KCTD21: variants seen among roughly 807,000 people sequenced by gnomAD.
The protein encoded by KCTD21 is BTB/POZ domain-containing protein KCTD21.
KCTD21 carries 9 observed loss-of-function variants against 13.2 expected under a neutral mutation model. The ratio of observed to expected loss-of-function variants is 0.68; its 90% CI spans 0.41 to 1.19. KCTD21 has a LOEUF of 1.19. Ranked by LOEUF, KCTD21 falls within the 50% of genes most tolerant of loss-of-function variation. The pLI, the probability that KCTD21 is intolerant of heterozygous loss-of-function variation, is 0.01. For synonymous variants in KCTD21, 142 were observed against 137.4 expected (o/e 1.03, Z -0.23); for missense variants, 303 against 336.5 (o/e 0.90, Z 0.78).
rs1262501357 is a variant in KCTD21 at position 78,171,457 on chromosome 11, G to C, written c.*2315C>G. The C allele has an allele frequency of 6.6e-6, 1 of 152,608 alleles. No homozygotes were observed. The highest frequency in any genetic ancestry group is 1.9e-4 in the East Asian group (1 of 5,194). 9.5% of individuals were successfully genotyped at this position (152,608 alleles called of 1,614,324 possible). On this transcript the variant is annotated 3_prime_UTR_variant, in exon 2 of 2. Coordinates refer to ENST00000340067, the MANE Select transcript of KCTD21 (RefSeq NM_001029859.3). ...TCTGCAACTTCTCTAAAGTCAAGCT[G>C]CTTGGATTAGGGAGCACCGAAAAGA... is the stretch of plus-strand genomic sequence containing the variant.
Position 78,174,525 on chromosome 11 carries a change from C to A in KCTD21, c.30G>T (p.Gly10=). The A allele has an allele frequency of 6.2e-7, 1 of 1,613,290 alleles. No homozygotes were observed. Among genetic ancestry groups the A allele is most frequent in the South Asian group, 1.1e-5 (1 of 91,012 alleles). ...CCAGTGAGGTTGTATAGAGCTTCCC[C>A]CCGACGTTCAGCGTGATGGGGTCGG... is the stretch of plus-strand genomic sequence containing the variant. The part of the protein sequence containing the change: MSDPITLNV[G]GKLYTTSLAT... Residue 10 remains glycine, a synonymous_variant, in exon 2 of 2, where the codon GGG becomes GGT. Coordinates refer to ENST00000340067, the MANE Select transcript of KCTD21 (RefSeq NM_001029859.3).
At chr11:78,176,086 T>C (rs1172821353) in intron 1 of KCTD21, among the ~76,000 whole-genome samples, 4 of 152,220 alleles carry the variant, frequency 2.6e-5, no homozygotes, top group Non-Finnish European at 4.4e-5. Context: ...TATGGCTGCA[T>C]AGTATTCCAT....
intron 1 of KCTD21, among the ~76,000 whole-genome samples, chr11:78,179,431 T>C (rs1485802615): frequency 2.0e-5 from 3 of 151,916 alleles, no homozygotes; most frequent in Admixed American, 6.6e-5. Flanking sequence ...TGCCCCTAAC[T>C]CTGCTGTGAA....
chr11:78,173,351 C>A lies in KCTD21; in HGVS notation c.*421G>T. 1.2e-5 allele frequency: 2 copies of A among 165,784 alleles called. No individual in the cohort carries two copies. The highest frequency in any genetic ancestry group is 5.6e-5 in the Admixed American group (1 of 17,970). 10.3% of individuals were successfully genotyped at this position (165,784 alleles called of 1,614,324 possible). A position where few individuals can be genotyped will look rare whatever the true frequency, so the allele number is the denominator to read the frequency against. ...CAGGAACCGCTGGGGACTTTATGTCCTGGTTAACTGGAGGTAGCCTCTTGT... is the reference window on the plus strand; with the variant it reads ...CAGGAACCGCTGGGGACTTTATGTCATGGTTAACTGGAGGTAGCCTCTTGT... On this transcript the variant is annotated 3_prime_UTR_variant, in exon 2 of 2. Transcript: ENST00000340067.
Position 78,174,024 on chromosome 11 carries a change from G to A in KCTD21, c.531C>T (p.His177=), listed in dbSNP as rs1050931320. ...GAGTCAGGTGGTTGGGGTCCTGCAA[G>A]TGGCTGGTGATGGAGGAGAGATTGC... ...SNGNLSSITS[H]LQDPNHLTLD... Residue 177 remains histidine, a synonymous_variant, in exon 2 of 2, where the codon CAC becomes CAT. Coordinates refer to ENST00000340067, the MANE Select transcript of KCTD21 (RefSeq NM_001029859.3). The A allele has an allele frequency of 3.1e-6, 5 of 1,614,034 alleles. No individual in the cohort carries two copies. In the African/African-American group the frequency reaches 5.3e-5, roughly 17 times the overall value.
Position 78,173,970 on chromosome 11 carries a change from C to A in KCTD21, c.585G>T (p.Leu195=), listed in dbSNP as rs1483706502. 2 of 1,614,062 alleles carry A rather than the reference C, an allele frequency of 1.2e-6. No individual in the cohort carries two copies. Among genetic ancestry groups the A allele is most frequent in the Admixed American group, 1.7e-5 (1 of 60,014 alleles). ...TCTGCTTGGTGTACTCCTCCTCTGGCAGGCCCTCCACATTGGCCACCCAGT... is the reference window on the plus strand; with the variant it reads ...TCTGCTTGGTGTACTCCTCCTCTGGAAGGCCCTCCACATTGGCCACCCAGT... The part of the protein sequence containing the change: ...TLDWVANVEG[L]PEEEYTKQNL... The change falls in exon 2 of 2, where the codon CTG becomes CTT. Residue 195 remains leucine, a synonymous_variant. Coordinates refer to ENST00000340067, the MANE Select transcript of KCTD21 (RefSeq NM_001029859.3).
chr11:78,188,556 G>T lies in KCTD21; in HGVS notation c.-30+17C>A. 9 of 985,588 alleles carry T rather than the reference G, an allele frequency of 9.1e-6. No individual in the cohort carries two copies. Among genetic ancestry groups the T allele is most frequent in the Non-Finnish European group, 1.1e-5 (9 of 830,098 alleles). The allele number at this position is 985,588 out of a possible 1,614,324, so 61.1% of individuals were successfully genotyped here. A position where few individuals can be genotyped will look rare whatever the true frequency, so the allele number is the denominator to read the frequency against. ...GGTAGTCCCCGAGCCCCGCGACCCC[G>T]GCCGTGCCGCACCCACCTCCTGCCC... On this transcript the variant is annotated intron_variant, in intron 1 of 1. Transcript: ENST00000340067.
At chr11:78,186,209 T>C (rs1590885163) in intron 1 of KCTD21, among the ~76,000 whole-genome samples, 1 of 147,828 alleles carries the variant, frequency 6.8e-6, no homozygotes, top group African/African-American at 2.5e-5. Flanking sequence ...ACCTCGTTTC[T>C]ATAGAGAAAA....
chr11:78,183,854 C>G (rs1862697996), intron 1 of KCTD21, among the ~76,000 whole-genome samples: 2 of 152,006 alleles, frequency 1.3e-5, no homozygotes, highest in Non-Finnish European at 2.9e-5. Context: ...CCAGGATGGT[C>G]TCGATCTCCT....
chr11:78,174,001 G>A lies in KCTD21; in HGVS notation c.554C>T (p.Thr185Ile). The A allele has an allele frequency of 6.2e-7, 1 of 1,614,134 alleles. No homozygotes were observed. Among genetic ancestry groups the A allele is most frequent in the Non-Finnish European group, 8.5e-7 (1 of 1,180,036 alleles). The change falls in exon 2 of 2, where the codon ACT (threonine) becomes ATT (isoleucine). Residue 185 changes from threonine to isoleucine, a missense_variant. Thr to Ile is a moderately conservative substitution (Grantham distance 89). Transcript: ENST00000340067. ...TSHLQDPNHL[T>I]LDWVANVEGL... ...CTCCACATTGGCCACCCAGTCCAGA[G>A]TCAGGTGGTTGGGGTCCTGCAAGTG...
At chr11:78,179,274 A>G (rs372708702) in intron 1 of KCTD21, among the ~76,000 whole-genome samples, 2 of 150,936 alleles carry the variant, frequency 1.3e-5, no homozygotes, top group South Asian at 4.2e-4. Context: ...ACCTCAAGTG[A>G]TCTGCCCATC....
Position 78,173,836 on chromosome 11 carries a change from G to C in KCTD21, c.719C>G (p.Ser240Cys). 1 of 1,614,198 alleles carries C rather than the reference G, an allele frequency of 6.2e-7. No homozygotes were observed. Among genetic ancestry groups the C allele is most frequent in the East Asian group, 2.2e-5 (1 of 44,884 alleles). Residue 240 changes from serine to cysteine, a missense_variant, in exon 2 of 2, where the codon TCT becomes TGT. By Grantham distance (112) the Ser-to-Cys change is moderately radical (BLOSUM62 -1). Transcript: ENST00000340067. ...AAAATCCAGAGCATGTGGGTGAGAA[G>C]AATCGATGCAGAAGCCATCGCTCAG... is the stretch of plus-strand genomic sequence containing the variant. ...IALSDGFCIDSSHPHALDFMN... is the reference protein window; with the variant it reads ...IALSDGFCIDCSHPHALDFMN...
chr11:78,184,212 C>A (rs1046175325), intron 1 of KCTD21, among the ~76,000 whole-genome samples: 1 of 152,184 alleles, frequency 6.6e-6, no homozygotes, highest in Non-Finnish European at 1.5e-5. Context: ...GATAGTAAGA[C>A]CCTGACATCA....
intron 1 of KCTD21, among the ~76,000 whole-genome samples, chr11:78,175,891 A>AC (rs199937207): frequency 0.11 from 16,326 of 150,912 alleles, 991 homozygotes; most frequent in East Asian, 0.29. Context: ...CCCTCCCCCT[A>AC]CCCCACAACA....
At chr11:78,178,973 G>A (rs1219066990) in intron 1 of KCTD21, among the ~76,000 whole-genome samples, 2 of 152,098 alleles carry the variant, frequency 1.3e-5, no homozygotes, top group Non-Finnish European at 2.9e-5. Flanking sequence ...TCTGCATAGG[G>A]TGCCCATTCA....
intron 1 of KCTD21, chr11:78,187,467 G>A (rs1019018542): frequency 1.0e-4 from 102 of 985,304 alleles, no homozygotes; most frequent in Non-Finnish European, 1.1e-4. Flanking sequence ...GGAAGAAGGA[G>A]ACCACGGAAT....
intron 1 of KCTD21, among the ~76,000 whole-genome samples, chr11:78,180,695 G>A (rs746703693): frequency 6.6e-6 from 1 of 152,192 alleles, no homozygotes; most frequent in Non-Finnish European, 1.5e-5. Flanking sequence ...GCCAATTGAA[G>A]GTGAGTACAT....
chr11:78,173,564 G>T lies in KCTD21; in HGVS notation c.*208C>A. On this transcript the variant is annotated 3_prime_UTR_variant, in exon 2 of 2. Transcript: ENST00000340067. ...TGTCATAATAAACCGCCTGTCTGCAGCTCAAAATGGCAAGAAAAAAGGTGG... is the reference window on the plus strand; with the variant it reads ...TGTCATAATAAACCGCCTGTCTGCATCTCAAAATGGCAAGAAAAAAGGTGG... The T allele has an allele frequency of 1.8e-6, 1 of 565,874 alleles. No individual in the cohort carries two copies. Among genetic ancestry groups the T allele is most frequent in the Non-Finnish European group, 3.1e-6 (1 of 319,160 alleles). The allele number at this position is 565,874 out of a possible 1,614,324, so 35.1% of individuals were successfully genotyped here.
intron 1 of KCTD21, chr11:78,176,744 A>T (rs1862457998): frequency 6.6e-6 from 1 of 152,358 alleles, no homozygotes; most frequent in Admixed American, 6.5e-5. Context: ...CTGTAATTCC[A>T]GCACTTTGGG....
Sources: allele counts gnomAD v4.1 joint callset (sites outside exome capture counted in the v4.1 genomes callset), GRCh38; gene constraint gnomAD v4.1.1; transcripts MANE v1.5; gene names NCBI Gene and HGNC (gene_info 2026-07-23, HGNC 2026-07-21).